RAPGEF5: variants seen among roughly 807,000 people sequenced by gnomAD.
RAPGEF5 encodes Rap guanine nucleotide exchange factor 5, also known as M-Ras-regulated GEF.
In RAPGEF5, 65 loss-of-function variants were observed where a neutral mutation model predicts 125.2. That is an observed-to-expected ratio of 0.52 (90% CI 0.43 to 0.64). The LOEUF is 0.64. Ranked by LOEUF, RAPGEF5 falls within the 30% of genes least tolerant of loss-of-function variation. The pLI is 0.00. For missense variants in RAPGEF5, 958 were observed against 1,048.1 expected, an observed-to-expected ratio of 0.91 and a Z score of 1.19; for synonymous variants, 391 against 385.9, an observed-to-expected ratio of 1.01 and a Z score of -0.16.
chr7:22,148,063 T>C (rs972659701), intron 18 of RAPGEF5, among the ~76,000 whole-genome samples: 10 of 152,170 alleles, frequency 6.6e-5, no homozygotes, highest in Admixed American at 1.3e-4. Flanking sequence ...TGTCTCTGTA[T>C]CCCCAGTGTA....
rs976328531 is a variant in RAPGEF5, at chr7:22,121,001, T to C, written c.*1405A>G. The stretch of plus-strand genomic sequence containing the variant: ...AGAGTGAGAAGTGCACCAAGACTCC[T>C]GCATTTGGAAAATGAATGGACCAGG... On this transcript the variant is annotated 3_prime_UTR_variant, in exon 26 of 26. Coordinates refer to ENST00000665637, the MANE Select transcript of RAPGEF5 (RefSeq NM_012294.5). 1 of 152,140 alleles carries C rather than the reference T, an allele frequency of 6.6e-6. No individual in the cohort carries two copies. The highest frequency in any genetic ancestry group is 2.4e-5 in the African/African-American group (1 of 41,422). The allele number at this position is 152,140 out of a possible 1,614,324, so 9.4% of individuals were successfully genotyped here.
chr7:22,252,549 T>A (rs558688973), intron 7 of RAPGEF5, among the ~76,000 whole-genome samples: 1 of 152,348 alleles, frequency 6.6e-6, no homozygotes, highest in South Asian at 2.1e-4. Flanking sequence ...CATCTTGCCT[T>A]GCTTTCTGAT....
At chr7:22,170,197 G>A (rs959048399) in intron 11 of RAPGEF5, among the ~76,000 whole-genome samples, 3 of 152,100 alleles carry the variant, frequency 2.0e-5, no homozygotes, top group Non-Finnish European at 4.4e-5. Flanking sequence ...TGGGACTACT[G>A]GCATGCACCA....
At chr7:22,193,230 A>G (rs374120978) in intron 11 of RAPGEF5, 137 bp downstream of exon 11, 6 of 921,580 alleles carry the variant, frequency 6.5e-6, no homozygotes, top group East Asian at 2.6e-5. Flanking sequence ...AGCACAAGGC[A>G]AGGGACGAGT....
intron 1 of RAPGEF5, among the ~76,000 whole-genome samples, chr7:22,324,276 T>C (rs1465070793): frequency 6.6e-6 from 1 of 152,198 alleles, no homozygotes; most frequent in Non-Finnish European, 1.5e-5. Context: ...TCAAAGTAAC[T>C]GGCCTGTACT....
At chr7:22,258,685 G>A (rs887703497) in intron 7 of RAPGEF5, among the ~76,000 whole-genome samples, 1 of 146,352 alleles carries the variant, frequency 6.8e-6, no homozygotes, top group East Asian at 2.0e-4. Flanking sequence ...AGAATAGAGA[G>A]CCCATAAATA....
intron 6 of RAPGEF5, among the ~76,000 whole-genome samples, chr7:22,290,553 G>T (rs917475516): frequency 3.3e-5 from 5 of 151,962 alleles, no homozygotes; most frequent in Admixed American, 2.0e-4. Flanking sequence ...AGACCATCCC[G>T]GCTAAAACGG....
At chr7:22,198,896 G>A (rs1056789476) in intron 9 of RAPGEF5, among the ~76,000 whole-genome samples, 2 of 152,212 alleles carry the variant, frequency 1.3e-5, no homozygotes, top group Non-Finnish European at 2.9e-5. Flanking sequence ...GACAGATGGC[G>A]AAGCTGAGAT....
At position 22,215,236 on chromosome 7, in the gene RAPGEF5, G is replaced by A. The variant is rs1785608564; in HGVS notation, c.996+4630C>T. On this transcript the variant is annotated intron_variant, in intron 9 of 25. Coordinates refer to ENST00000665637, the MANE Select transcript of RAPGEF5 (RefSeq NM_012294.5). ...CTTGGTATTCTGGAAACATGAAATC[G>A]TTTCAGAGTTCCAAAAAACATCTAA... Among the ~76,000 whole-genome samples, 8 of 152,056 alleles carry A rather than the reference G, an allele frequency of 5.3e-5. No homozygotes were observed. The South Asian group carries it at 6.2e-4, about 12-fold the overall frequency.
intron 3 of RAPGEF5, among the ~76,000 whole-genome samples, chr7:22,311,074 G>A (rs1241438177): frequency 6.6e-6 from 1 of 152,158 alleles, no homozygotes; most frequent in Non-Finnish European, 1.5e-5. Flanking sequence ...CACCCAGGGT[G>A]GAGTGCTGTG....
intron 9 of RAPGEF5, among the ~76,000 whole-genome samples, chr7:22,212,402 C>A (rs974182314): frequency 6.6e-6 from 1 of 152,134 alleles, no homozygotes; most frequent in Non-Finnish European, 1.5e-5. Flanking sequence ...TAGCCAAGGT[C>A]CCTGTTAAAT....
At chr7:22,351,202 C>G (rs1784323163) in intron 1 of RAPGEF5, among the ~76,000 whole-genome samples, 1 of 152,068 alleles carries the variant, frequency 6.6e-6, no homozygotes, top group Non-Finnish European at 1.5e-5. Context: ...CCAGGCTGAT[C>G]TTGAGCTATT....
chr7:22,252,192 G>T (rs183127633), intron 7 of RAPGEF5, among the ~76,000 whole-genome samples: 176 of 152,318 alleles, frequency 1.2e-3, no homozygotes, highest in Non-Finnish European at 1.6e-3. Context: ...GCAAGAAGAA[G>T]TAGGACTCTG....
intron 13 of RAPGEF5, among the ~76,000 whole-genome samples, chr7:22,161,141 G>A (rs1449272066): frequency 6.6e-6 from 1 of 152,088 alleles, no homozygotes; most frequent in Non-Finnish European, 1.5e-5. Flanking sequence ...CCCAGGAGGC[G>A]GAGCTTGCAG....
At chr7:22,349,796 C>A (rs150363384) in intron 1 of RAPGEF5, among the ~76,000 whole-genome samples, 2 of 152,294 alleles carry the variant, frequency 1.3e-5, no homozygotes, top group Admixed American at 1.3e-4. Context: ...TCTTTGAAAT[C>A]AGGTAGTTCT....
chr7:22,139,836 C>T (rs1340815658), intron 21 of RAPGEF5, 189 bp downstream of exon 21: 12 of 515,290 alleles, frequency 2.3e-5, no homozygotes, highest in South Asian at 6.9e-5. Flanking sequence ...CTGGGGAGCA[C>T]GTTACCATTT....
chr7:22,306,435 A>C (rs938158538), intron 5 of RAPGEF5, among the ~76,000 whole-genome samples: 3 of 152,046 alleles, frequency 2.0e-5, no homozygotes, highest in African/African-American at 7.2e-5. Flanking sequence ...TTTTTCCTAT[A>C]GAGTTGAGTT....
chr7:22,322,574 C>A (rs1232688384), intron 1 of RAPGEF5, among the ~76,000 whole-genome samples: 1 of 152,168 alleles, frequency 6.6e-6, no homozygotes, highest in Non-Finnish European at 1.5e-5. Flanking sequence ...TGCCCGTTTG[C>A]AACCTAGCTG....
chr7:22,230,847 T>C lies in RAPGEF5; in HGVS notation c.869A>G (p.Gln290Arg), dbSNP rs866711760. The change falls in exon 8 of 26, where the codon CAG becomes CGG. Residue 290 changes from glutamine (Q) to arginine (R), a missense_variant and splice_region_variant. Transcript: ENST00000665637. Reference protein sequence around the residue: ...VTEAESVPDSQAGVMCKLQER... With the variant: ...VTEAESVPDSRAGVMCKLQER... ...GGGCTGTCACAGAATTGATCATACC[T>C]GAGAATCTGGAACACTTTCGGCTTC... 1 of 1,565,328 alleles carries C rather than the reference T, an allele frequency of 6.4e-7. No individual in the cohort carries two copies. The highest frequency in any genetic ancestry group is 1.3e-5 in the African/African-American group (1 of 74,282).
Sources: allele counts gnomAD v4.1 joint callset (sites outside exome capture counted in the v4.1 genomes callset), GRCh38; gene constraint gnomAD v4.1.1; transcripts MANE v1.5; gene names NCBI Gene and HGNC (gene_info 2026-07-23, HGNC 2026-07-21).